Variants in ABI2 observed in about 807,000 individuals in gnomAD.
ABI2 encodes abl interactor 2.
ABI2 carries 25 observed loss-of-function variants against 59.2 expected under a neutral mutation model. The ratio of observed to expected loss-of-function variants is 0.42; its 90% CI spans 0.31 to 0.59. The LOEUF (loss-of-function observed/expected upper bound fraction) is 0.59. Ranked by LOEUF, ABI2 falls within the 20% of genes least tolerant of loss-of-function variation. ABI2 has a pLI of 0.14. For missense variants in ABI2, 545 were observed against 681.8 expected, an observed-to-expected ratio of 0.80 and a Z score of 2.23; for synonymous variants, 213 against 235.5, an observed-to-expected ratio of 0.90 and a Z score of 0.87.
chr2:203,335,425 T>C (rs1219771373), intron 1 of ABI2, among the ~76,000 whole-genome samples: 2 of 151,938 alleles, frequency 1.3e-5, no homozygotes, highest in Non-Finnish European at 2.9e-5. Context: ...GCCCAGCTAA[T>C]TTTTTTTGTT....
chr2:203,424,101 G>GGAAAAAGT (rs2098336644), intron 11 of ABI2, among the ~76,000 whole-genome samples: 1 of 151,978 alleles, frequency 6.6e-6, no homozygotes, highest in African/African-American at 2.4e-5. Context: ...ATGCATAATT[G>GGAAAAAGT]GAAAAAGTGA....
intron 9 of ABI2, among the ~76,000 whole-genome samples, chr2:203,403,567 C>T (rs1011195220): frequency 6.6e-6 from 1 of 151,962 alleles, no homozygotes; most frequent in African/African-American, 2.4e-5. Flanking sequence ...AACATAAACA[C>T]TTAATTTAAA....
At chr2:203,349,823 A>G (rs1489257009) in intron 1 of ABI2, among the ~76,000 whole-genome samples, 1 of 151,666 alleles carries the variant, frequency 6.6e-6, no homozygotes, top group Non-Finnish European at 1.5e-5. Flanking sequence ...TTTGCCAATT[A>G]TGAGTAATTT....
chr2:203,346,023 TACAC>T (rs1202661411), intron 1 of ABI2, among the ~76,000 whole-genome samples: 1 of 151,220 alleles, frequency 6.6e-6, no homozygotes, highest in Non-Finnish European at 1.5e-5. Context: ...CTACTAAAAA[TACAC>T]ACGCGCACAC....
intron 5 of ABI2, among the ~76,000 whole-genome samples, chr2:203,392,389 A>T (rs1458432810): frequency 6.6e-6 from 1 of 151,136 alleles, no homozygotes; most frequent in East Asian, 1.9e-4. Context: ...TCAAGCACTG[A>T]ATCAGGATAG....
At chr2:203,407,214 C>T (rs988891286) in intron 9 of ABI2, among the ~76,000 whole-genome samples, 10 of 152,232 alleles carry the variant, frequency 6.6e-5, no homozygotes, top group African/African-American at 2.2e-4. Flanking sequence ...TGTGAGCCAC[C>T]GCATCCAGCC....
chr2:203,403,343 C>T (rs2097296991), intron 9 of ABI2: 1 of 154,728 alleles, frequency 6.5e-6, no homozygotes, highest in Non-Finnish European at 1.5e-5. Flanking sequence ...TATTAGACAC[C>T]ATGGCTATTG....
intron 4 of ABI2, among the ~76,000 whole-genome samples, chr2:203,390,815 T>A (rs1434647116): frequency 6.6e-6 from 1 of 152,216 alleles, no homozygotes; most frequent in Non-Finnish European, 1.5e-5. Flanking sequence ...GCAAATAAAG[T>A]CTTTGCATAC....
chr2:203,382,112 T>C, intron 3 of ABI2, 77 bp from the exon 4 acceptor site: 1 of 1,264,802 alleles, frequency 7.9e-7, no homozygotes, highest in Non-Finnish European at 1.1e-6. Flanking sequence ...TCCTTTCTCT[T>C]CACATCCTGA....
chr2:203,398,318 T>C (rs1486027529), intron 8 of ABI2, among the ~76,000 whole-genome samples: 1 of 152,182 alleles, frequency 6.6e-6, no homozygotes, highest in Non-Finnish European at 1.5e-5. Context: ...TGATAAAGAA[T>C]GCATCAGAAA....
At chr2:203,346,146 T>C (rs1183996549) in intron 1 of ABI2, among the ~76,000 whole-genome samples, 1 of 149,718 alleles carries the variant, frequency 6.7e-6, no homozygotes, top group Non-Finnish European at 1.5e-5. Context: ...TGAAACTCCA[T>C]CTCAAAAAAA....
intron 1 of ABI2, among the ~76,000 whole-genome samples, chr2:203,346,893 A>G (rs185224533): frequency 6.6e-6 from 1 of 152,280 alleles, no homozygotes; most frequent in Admixed American, 6.5e-5. Context: ...CCTTAAACCT[A>G]GGCCCTTGTT....
intron 1 of ABI2, among the ~76,000 whole-genome samples, chr2:203,353,279 A>G (rs1296093515): frequency 1.3e-5 from 2 of 152,222 alleles, no homozygotes; most frequent in Non-Finnish European, 2.9e-5. Flanking sequence ...TTGAATTAAA[A>G]TTACATTTAA....
intron 1 of ABI2, among the ~76,000 whole-genome samples, chr2:203,350,066 G>C (rs2086723569): frequency 6.6e-6 from 1 of 152,084 alleles, no homozygotes. Context: ...TTTGTGGACT[G>C]TCTCTTTATT....
At chr2:203,398,673 C>A (rs774138497) in intron 8 of ABI2, among the ~76,000 whole-genome samples, 2 of 152,178 alleles carry the variant, frequency 1.3e-5, no homozygotes, top group Admixed American at 6.5e-5. Flanking sequence ...GTCCTATCAT[C>A]GCAAAAATTT....
chr2:203,370,605 A>G (rs780135439), intron 2 of ABI2, among the ~76,000 whole-genome samples: 2 of 152,090 alleles, frequency 1.3e-5, no homozygotes, highest in Non-Finnish European at 1.5e-5. Context: ...CTTTTTCCAA[A>G]TGTTTGAGTG....
intron 1 of ABI2, among the ~76,000 whole-genome samples, chr2:203,332,008 C>A (rs1373003209): frequency 6.6e-6 from 1 of 151,584 alleles, no homozygotes; most frequent in African/African-American, 2.4e-5. Context: ...TGGGGTTTTG[C>A]CATGTTGGCC....
At chr2:203,367,298 A>G (rs2094542885) in intron 2 of ABI2, 1 of 313,214 alleles carries the variant, frequency 3.2e-6, no homozygotes, top group African/African-American at 2.2e-5. Context: ...TCAGCCCTAT[A>G]ATGAAACTTC....
intron 9 of ABI2, among the ~76,000 whole-genome samples, chr2:203,409,049 A>G (rs1215352972): frequency 6.6e-6 from 1 of 150,604 alleles, no homozygotes; most frequent in Non-Finnish European, 1.5e-5. Flanking sequence ...CTTGTTAGCC[A>G]GGATGGTCTC....
Sources: allele counts gnomAD v4.1 joint callset (sites outside exome capture counted in the v4.1 genomes callset), GRCh38; gene constraint gnomAD v4.1.1; transcripts MANE v1.5; gene names NCBI Gene and HGNC (gene_info 2026-07-23, HGNC 2026-07-21).